CDK5RAP3: variants seen among roughly 807,000 people sequenced by gnomAD.
CDK5RAP3 encodes CDK5 regulatory subunit associated protein 3.
CDK5RAP3 carries 58 observed loss-of-function variants against 73.3 expected under a neutral mutation model. That is an observed-to-expected ratio of 0.79 (90% CI 0.64 to 0.98). The LOEUF (loss-of-function observed/expected upper bound fraction) is 0.98, where lower values mean the gene tolerates loss of function less well. Ranked by LOEUF, CDK5RAP3 falls within the 50% of genes least tolerant of loss-of-function variation. CDK5RAP3 has a pLI of 0.00. For synonymous variants in CDK5RAP3, 224 were observed against 247.5 expected, an observed-to-expected ratio of 0.91 and a Z score of 0.89; for missense variants, 525 against 615.8, an observed-to-expected ratio of 0.85 and a Z score of 1.56.
In CDK5RAP3 at chr17:47,979,089, A is replaced by G. The variant is rs538728915; in HGVS notation, c.1077+172A>G. The G allele has an allele frequency of 1.1e-3, 634 of 602,660 alleles. 7 individuals are homozygous for G. The highest frequency in any genetic ancestry group is 0.011 in the African/African-American group (573 of 54,488). 37.3% of individuals were successfully genotyped at this position (602,660 alleles called of 1,614,324 possible). On this transcript the variant is annotated intron_variant, in intron 11 of 13. Coordinates refer to ENST00000338399, the MANE Select transcript of CDK5RAP3 (RefSeq NM_176096.3). The stretch of plus-strand genomic sequence containing the variant: ...CCTCCTATTCATCCAGTTACTTATC[A>G]GGTACCTCCTAGGCACCTGGCACTA...
At position 47,974,676 on chromosome 17, in the gene CDK5RAP3, C is replaced by T; in HGVS notation, c.334+228C>T. ...AGGCCGGTAGTGGCCATTCGCCGTG[C>T]CTCAGCGAGCAGGTGTGTGTGGGTC... On this transcript the variant is annotated intron_variant, in intron 5 of 13. Coordinates refer to ENST00000338399, the MANE Select transcript of CDK5RAP3 (RefSeq NM_176096.3). The T allele has an allele frequency of 2.9e-6, 4 of 1,366,522 alleles. No individual in the cohort carries two copies. In the South Asian group the frequency reaches 4.5e-5, roughly 15 times the overall value. The allele number at this position is 1,366,522 out of a possible 1,614,324, so 84.6% of individuals were successfully genotyped here.
intron 3 of CDK5RAP3, 43 bp from the exon 4 acceptor site, chr17:47,973,885 TGAA>T: frequency 6.8e-7 from 1 of 1,463,732 alleles, no homozygotes; most frequent in East Asian, 2.3e-5. Context: ...CCAGAGTAGG[TGAA>T]GAAGATACTT....
At chr17:47,973,726 A>G in intron 3 of CDK5RAP3, 76 bp downstream of exon 3, 1 of 1,574,494 alleles carries the variant, frequency 6.4e-7, no homozygotes. Context: ...CTCTCTTGTT[A>G]TTTAGCCACC....
Position 47,975,588 on chromosome 17 carries a change from G to A in CDK5RAP3, c.588G>A (p.Ala196=), listed in dbSNP as rs183342259. ...LPSQLAEIGA[A]AQQSLGEAID... ...GTCAGCTGGCTGAGATTGGGGCAGC[G>A]GCTCAGCAGTCCCTGGGGGAAGCCA... The change falls in exon 7 of 14, where the codon GCG becomes GCA. Residue 196 remains alanine (A), a synonymous_variant. Coordinates refer to ENST00000338399, the MANE Select transcript of CDK5RAP3 (RefSeq NM_176096.3). 8.3e-4 allele frequency: 1,336 copies of A among 1,609,640 alleles called. 1 individual carries two copies. Among genetic ancestry groups the A allele is most frequent in the African/African-American group, 5.1e-3 (385 of 75,060 alleles).
chr17:47,969,335 T>G (rs1198070720), upstream of CDK5RAP3, among the ~76,000 whole-genome samples: 2 of 151,666 alleles, frequency 1.3e-5, no homozygotes, highest in Admixed American at 6.6e-5. Context: ...AGCGGGAGAA[T>G]CACGAGGTCA....
rs186332400 is a variant in CDK5RAP3 at position 47,978,759 on chromosome 17, C to T, written c.989-70C>T. The T allele has an allele frequency of 6.8e-5, 82 of 1,197,694 alleles. No individual in the cohort carries two copies. In the African/African-American group the frequency reaches 1.1e-3, roughly 16 times the overall value. The allele number at this position is 1,197,694 out of a possible 1,614,324, so 74.2% of individuals were successfully genotyped here. A position where few individuals can be genotyped will look rare whatever the true frequency, so the allele number is the denominator to read the frequency against. On this transcript the variant is annotated intron_variant, in intron 10 of 13. Coordinates refer to ENST00000338399, the MANE Select transcript of CDK5RAP3 (RefSeq NM_176096.3). The stretch of plus-strand genomic sequence containing the variant: ...TGTCCGTATTAATCCTCCAGGGCTT[C>T]TCACACTTGAGGGTCTTTTCCTTCT...
chr17:47,974,654 C>T, intron 5 of CDK5RAP3: 2 of 1,393,942 alleles, frequency 1.4e-6, no homozygotes, highest in Non-Finnish European at 1.9e-6. Flanking sequence ...GAGGTCCAGG[C>T]CGGTAGTGGC....
At chr17:47,970,290 T>C (rs2597167), upstream of CDK5RAP3, among the ~76,000 whole-genome samples, 142,392 of 152,224 alleles carry the variant, frequency 0.94, 66,897 homozygotes, top group East Asian at 0.98. Context: ...CCATCTACGG[T>C]ATAGAGGTTG....
intron 11 of CDK5RAP3, 86 bp from the exon 12 acceptor site, chr17:47,980,507 T>G (rs1290729777): frequency 1.1e-5 from 13 of 1,213,012 alleles, no homozygotes; most frequent in Non-Finnish European, 1.6e-5. Context: ...CCTCAAGCGA[T>G]CCTCCTGCCT....
intron 9 of CDK5RAP3, 108 bp from the exon 10 acceptor site, chr17:47,977,724 G>A: frequency 3.5e-6 from 3 of 862,790 alleles, no homozygotes; most frequent in Non-Finnish European, 5.5e-6. Flanking sequence ...ATCCTTAATA[G>A]AGTTGGAATG....
intron 8 of CDK5RAP3, 52 bp from the exon 9 acceptor site, chr17:47,976,660 G>C: frequency 7.9e-7 from 1 of 1,264,138 alleles, no homozygotes; most frequent in Non-Finnish European, 1.2e-6. Flanking sequence ...CACCATGCCC[G>C]GCCCTTTTTA....
At chr17:47,976,632 G>GT in intron 8 of CDK5RAP3, 80 bp from the exon 9 acceptor site, 2 of 966,912 alleles carry the variant, frequency 2.1e-6, no homozygotes, top group Non-Finnish European at 3.3e-6. Flanking sequence ...CCAAAGTACT[G>GT]GGGTTACAGA....
intron 2 of CDK5RAP3, among the ~76,000 whole-genome samples, chr17:47,973,292 C>T (rs951562167): frequency 2.0e-5 from 3 of 152,178 alleles, no homozygotes; most frequent in African/African-American, 7.2e-5. Flanking sequence ...TGTGTTGAGG[C>T]AATTGCTCTA....
In CDK5RAP3 at chr17:47,980,709, G is replaced by A; in HGVS notation, c.1194G>A (p.Met398Ile). ...AILQGQTKEK[M>I]VTMVSVLEDL... is the part of the protein sequence containing the mutation. ...TGCAGGGCCAGACCAAAGAGAAGAT[G>A]GTTACCATGGTGTCAGTGCTGGAGG... The change falls in exon 12 of 14, where the codon ATG (methionine) becomes ATA (isoleucine). Residue 398 changes from methionine to isoleucine, a missense_variant. Coordinates refer to ENST00000338399, the MANE Select transcript of CDK5RAP3 (RefSeq NM_176096.3). 3 of 1,614,204 alleles carry A rather than the reference G, an allele frequency of 1.9e-6. No homozygotes were observed. Among genetic ancestry groups the A allele is most frequent in the Non-Finnish European group, 2.5e-6 (3 of 1,180,022 alleles).
Position 47,973,518 on chromosome 17 carries a change from G to T in CDK5RAP3, c.53-1G>T. On this transcript the variant is annotated splice_acceptor_variant, in intron 2 of 13. Coordinates refer to ENST00000338399, the MANE Select transcript of CDK5RAP3 (RefSeq NM_176096.3). LOFTEE classifies it high-confidence loss of function. ...CTCTAATTTGGGTGCTTCTCATGTA[G>T]ATTGGCTGGTGGACAGAAGGCACTG... 1 of 1,613,832 alleles carries T rather than the reference G, an allele frequency of 6.2e-7. No individual in the cohort carries two copies. The highest frequency in any genetic ancestry group is 8.5e-7 in the Non-Finnish European group (1 of 1,179,756).
intron 9 of CDK5RAP3, 64 bp from the exon 10 acceptor site, chr17:47,977,768 A>G: frequency 7.1e-7 from 1 of 1,403,902 alleles, no homozygotes; most frequent in African/African-American, 1.4e-5. Context: ...GCTTTGGTTT[A>G]TTCTGGCTCC....
chr17:47,977,904 AC>A lies in CDK5RAP3; in HGVS notation c.985del (p.Gln329ArgfsTer13), dbSNP rs777482126. 6.2e-7 allele frequency: 1 copy of A among 1,613,914 alleles called. No homozygotes were observed. ...GCAGATCACAGTGCTGGAAGCAGGA[AC>A]CCAGGGTAAGTGCACCATCCCCTGC... ...ALQITVLEAG[T>X]QAPEGVARGP... is the part of the protein sequence containing the mutation. On this transcript the variant is annotated frameshift_variant, in exon 10 of 14. Transcript: ENST00000338399. LOFTEE classifies it high-confidence loss of function.
chr17:47,975,217 G>C lies in CDK5RAP3; in HGVS notation c.393G>C (p.Lys131Asn). 6.2e-7 allele frequency: 1 copy of C among 1,614,182 alleles called. No individual in the cohort carries two copies. The highest frequency in any genetic ancestry group is 8.5e-7 in the Non-Finnish European group (1 of 1,180,038). The change falls in exon 6 of 14, where the codon AAG (lysine) becomes AAC (asparagine). Residue 131 changes from lysine to asparagine, a missense_variant. By Grantham distance (94) the Lys-to-Asn change is moderately conservative. Transcript: ENST00000338399. The part of the protein sequence containing the change: ...NVNYEIPSLK[K>N]QIAKCQQLQQ... Reference sequence around the variant, plus strand: ...ACTATGAGATCCCCTCACTGAAGAAGCAGATTGCCAAGTGCCAGCAGCTGC... The same window carrying C: ...ACTATGAGATCCCCTCACTGAAGAACCAGATTGCCAAGTGCCAGCAGCTGC...
In CDK5RAP3 at chr17:47,981,210, C is replaced by A. The variant is rs750577592; in HGVS notation, c.1331C>A (p.Ser444Tyr). Residue 444 changes from serine to tyrosine, a missense_variant, in exon 13 of 14, where the codon TCC becomes TAC. By Grantham distance (144) the Ser-to-Tyr change is moderately radical. This residue lies in a region of CDK5RAP3 where 116 missense variants were observed against 186.1 expected (regional missense o/e 0.62). Coordinates refer to ENST00000338399, the MANE Select transcript of CDK5RAP3 (RefSeq NM_176096.3). ...TTCCTCCAGCAAAAGCTGAAGCAGT[C>A]CCAGCTGCTGGCTTTGAAGAAAGAG... ...TEFLQQKLKQ[S>Y]QLLALKKELM... is the part of the protein sequence containing the mutation. The A allele has an allele frequency of 6.2e-6, 10 of 1,614,206 alleles. No individual in the cohort carries two copies. The South Asian group carries it at 1.1e-4, about 18-fold the overall frequency.
Sources: gnomAD v4.1 joint callset for allele counts (sites outside exome capture counted in the v4.1 genomes callset) on GRCh38, gnomAD v4.1.1 for gene constraint, gnomAD v4.1.1 regional missense constraint, MANE v1.5 for transcripts, NCBI Gene and HGNC (gene_info 2026-07-23, HGNC 2026-07-21) for gene names.